Variants in SMAD3 observed in about 807,000 individuals in gnomAD.
The protein encoded by SMAD3 is MAD homolog 3.
A neutral mutation model predicts 51.8 loss-of-function variants in SMAD3; 12 were observed. That is an observed-to-expected ratio of 0.23 (90% confidence interval 0.15 to 0.38). SMAD3 has a LOEUF of 0.38. SMAD3 is among the 10% of genes least tolerant of loss of function. The pLI, the probability that SMAD3 is intolerant of heterozygous loss-of-function variation, is 1.00. For synonymous variants in SMAD3, 238 were observed against 227.7 expected (o/e 1.05, Z -0.41); for missense variants, 294 against 565.6 (o/e 0.52, Z 4.87).
At chr15:67,074,088 CA>C (rs759558960) in intron 1 of SMAD3, among the ~76,000 whole-genome samples, 4 of 152,236 alleles carry the variant, frequency 2.6e-5, no homozygotes, top group Admixed American at 1.3e-4. Context: ...AATTAATTTA[CA>C]TAAGTAAAAA....
At chr15:67,121,928 A>C (rs1172893801) in intron 1 of SMAD3, among the ~76,000 whole-genome samples, 1 of 152,230 alleles carries the variant, frequency 6.6e-6, no homozygotes, top group African/African-American at 2.4e-5. Flanking sequence ...TCCGATACCT[A>C]TCCACCACCC....
chr15:67,159,227 C>T (rs1379313852), intron 1 of SMAD3, among the ~76,000 whole-genome samples: 5 of 152,056 alleles, frequency 3.3e-5, no homozygotes, highest in African/African-American at 1.2e-4. Context: ...TGGGTCACCA[C>T]GCCCAGCTAA....
At chr15:67,155,425 G>A (rs143759958) in intron 1 of SMAD3, among the ~76,000 whole-genome samples, 69 of 152,242 alleles carry the variant, frequency 4.5e-4, no homozygotes, top group African/African-American at 1.6e-3. Flanking sequence ...GTCCTGGGGC[G>A]GTCCATTGCA....
chr15:67,107,866 G>T (rs1960913277), intron 1 of SMAD3, among the ~76,000 whole-genome samples: 1 of 152,180 alleles, frequency 6.6e-6, no homozygotes, highest in South Asian at 2.1e-4. Context: ...TGAGGCTTCT[G>T]TGATACTGAC....
At chr15:67,154,117 C>A (rs147552075) in intron 1 of SMAD3, among the ~76,000 whole-genome samples, 175 of 152,242 alleles carry the variant, frequency 1.1e-3, no homozygotes, top group African/African-American at 4.0e-3. Context: ...TTGTCATGGA[C>A]CTGAGCCGGC....
At chr15:67,189,087 T>C (rs1231738734) in intron 8 of SMAD3, among the ~76,000 whole-genome samples, 1 of 152,220 alleles carries the variant, frequency 6.6e-6, no homozygotes, top group African/African-American at 2.4e-5. Flanking sequence ...TAAGCAATCT[T>C]TTAGCCCTGG....
chr15:67,176,542 C>G (rs1308470022), intron 5 of SMAD3, among the ~76,000 whole-genome samples: 6 of 152,236 alleles, frequency 3.9e-5, no homozygotes, highest in Non-Finnish European at 5.9e-5. Flanking sequence ...CTTGCCTCCC[C>G]ACCTCTTCCT....
At chr15:67,136,370 T>C (rs1023415849) in intron 1 of SMAD3, among the ~76,000 whole-genome samples, 1 of 150,748 alleles carries the variant, frequency 6.6e-6, no homozygotes. Context: ...TCTTGCTCTG[T>C]CACCCAGGCT....
At chr15:67,101,190 C>T (rs967093971) in intron 1 of SMAD3, among the ~76,000 whole-genome samples, 4 of 152,162 alleles carry the variant, frequency 2.6e-5, no homozygotes, top group Admixed American at 6.5e-5. Flanking sequence ...CAAATACATA[C>T]GTTTGGTGTT....
chr15:67,168,740 G>A (rs990425719), intron 4 of SMAD3, among the ~76,000 whole-genome samples: 9 of 152,074 alleles, frequency 5.9e-5, no homozygotes, highest in East Asian at 1.9e-4. Flanking sequence ...GGGTCCTGTT[G>A]TGAACATGAG....
rs572091338 is a variant in SMAD3 at position 67,159,316 on chromosome 15, C to G, written c.207-5579C>G. 2.0e-5 allele frequency among the ~76,000 whole-genome samples: 3 copies of G among 152,292 alleles called. No individual in the cohort carries two copies. The East Asian group carries it at 5.8e-4, about 29-fold the overall frequency. ...GAATTCCTGGGATCAAGTGATCCAC[C>G]TGCCTTGGCTTCTCAAAATGCTGGG... On this transcript the variant is annotated intron_variant, in intron 1 of 8. Coordinates refer to ENST00000327367, the MANE Select transcript of SMAD3 (RefSeq NM_005902.4).
chr15:67,189,842 T>C (rs1378639389), intron 8 of SMAD3, among the ~76,000 whole-genome samples: 1 of 151,988 alleles, frequency 6.6e-6, no homozygotes, highest in Non-Finnish European at 1.5e-5. Flanking sequence ...GTTCCATGGC[T>C]CGTTCTGCTT....
At chr15:67,153,708 A>G (rs557050785) in intron 1 of SMAD3, among the ~76,000 whole-genome samples, 2 of 152,296 alleles carry the variant, frequency 1.3e-5, no homozygotes, top group Non-Finnish European at 2.9e-5. Context: ...TAAGCATTCT[A>G]TATCTGTCTC....
intron 1 of SMAD3, among the ~76,000 whole-genome samples, chr15:67,137,211 A>AT (rs1015756028): frequency 1.8e-4 from 28 of 151,984 alleles, no homozygotes; most frequent in South Asian, 8.3e-4. Context: ...TTGTTTTGTC[A>AT]TTTTTTTTCC....
chr15:67,169,087 GCA>G (rs974298450), intron 4 of SMAD3, among the ~76,000 whole-genome samples: 2 of 152,126 alleles, frequency 1.3e-5, no homozygotes, highest in Admixed American at 6.5e-5. Flanking sequence ...ATTTTTATAT[GCA>G]CAGTCTTACT....
rs180821967 is a variant in SMAD3 at position 67,190,281 on chromosome 15, G to A, written c.1155-132G>A. ...GTAGTTTCAGCAAGTTACTGGTACC[G>A]CTTCTAGGACAGCGTCTAACAGCAT... is the stretch of plus-strand genomic sequence containing the variant. On this transcript the variant is annotated intron_variant, in intron 8 of 8. Coordinates refer to ENST00000327367, the MANE Select transcript of SMAD3 (RefSeq NM_005902.4). 5.1e-4 allele frequency: 422 copies of A among 820,246 alleles called. No individual in the cohort carries two copies. The African/African-American group carries it at 6.3e-3, about 12-fold the overall frequency. The allele number at this position is 820,246 out of a possible 1,614,324, so 50.8% of individuals were successfully genotyped here. A position where few individuals can be genotyped will look rare whatever the true frequency, so the allele number is the denominator to read the frequency against.
At chr15:67,178,628 A>G (rs1412416634) in intron 5 of SMAD3, among the ~76,000 whole-genome samples, 2 of 151,584 alleles carry the variant, frequency 1.3e-5, no homozygotes, top group African/African-American at 2.4e-5. Context: ...GGCCAGCAGC[A>G]CTGATACATT....
intron 1 of SMAD3, among the ~76,000 whole-genome samples, chr15:67,086,781 G>A (rs1453616103): frequency 6.6e-6 from 1 of 152,136 alleles, no homozygotes; most frequent in East Asian, 1.9e-4. Flanking sequence ...CACACAGTGA[G>A]GATCAGAAGA....
intron 1 of SMAD3, among the ~76,000 whole-genome samples, chr15:67,126,135 G>A (rs1054219107): frequency 6.6e-5 from 10 of 152,120 alleles, no homozygotes; most frequent in African/African-American, 2.4e-4. Context: ...ACCAGCAGTC[G>A]TGTTTGAGAA....
Sources: gnomAD v4.1 joint callset for allele counts (sites outside exome capture counted in the v4.1 genomes callset) on GRCh38, gnomAD v4.1.1 for gene constraint, MANE v1.5 for transcripts, NCBI Gene and HGNC (gene_info 2026-07-23, HGNC 2026-07-21) for gene names.